COLGALT2: variants seen among roughly 807,000 people sequenced by gnomAD.
The protein encoded by COLGALT2 is collagen beta(1-O)galactosyltransferase 2, also known as procollagen galactosyltransferase 2.
COLGALT2 carries 49 observed loss-of-function variants against 73.4 expected under a neutral mutation model. The observed-to-expected ratio is 0.67, with a 90% CI of 0.53 to 0.85. COLGALT2 has a LOEUF of 0.85. Among genes scored for constraint, COLGALT2 ranks in the 40% least tolerant of loss-of-function variants. The probability of loss-of-function intolerance (pLI) is 0.00; values close to 1 mark genes in which losing one functional copy is unlikely to be tolerated. For missense variants in COLGALT2, 722 were observed against 790.2 expected (o/e 0.91, Z 1.03); for synonymous variants, 295 against 307.6 (o/e 0.96, Z 0.43).
At chr1:184,022,656 C>T (rs1374072729) in intron 1 of COLGALT2, among the ~76,000 whole-genome samples, 4 of 152,160 alleles carry the variant, frequency 2.6e-5, no homozygotes, top group African/African-American at 9.7e-5. Context: ...AATTTGTTAT[C>T]TAATACTTGA....
At chr1:183,976,382 A>G (rs1317695788) in intron 2 of COLGALT2, among the ~76,000 whole-genome samples, 1 of 148,568 alleles carries the variant, frequency 6.7e-6, no homozygotes, top group Non-Finnish European at 1.5e-5. Context: ...TTTCTTTATA[A>G]TATAAATATT....
chr1:184,004,755 A>G (rs1672025006), intron 1 of COLGALT2, among the ~76,000 whole-genome samples: 1 of 152,140 alleles, frequency 6.6e-6, no homozygotes, highest in South Asian at 2.1e-4. Flanking sequence ...CAGTCTCACT[A>G]CAGAGCCACA....
At chr1:183,996,941 T>C (rs563529209) in intron 1 of COLGALT2, among the ~76,000 whole-genome samples, 3 of 152,334 alleles carry the variant, frequency 2.0e-5, no homozygotes, top group East Asian at 3.9e-4. Flanking sequence ...AGAATTTCGA[T>C]GGTATAGTGC....
At chr1:184,033,281 T>A (rs997164999) in intron 1 of COLGALT2, among the ~76,000 whole-genome samples, 2 of 152,224 alleles carry the variant, frequency 1.3e-5, no homozygotes, top group Non-Finnish European at 2.9e-5. Flanking sequence ...CAGCCTTCCC[T>A]CTGTTGCTAA....
intron 10 of COLGALT2, among the ~76,000 whole-genome samples, chr1:183,943,807 A>G (rs754604729): frequency 8.5e-5 from 13 of 152,146 alleles, no homozygotes; most frequent in Non-Finnish European, 1.5e-4. Flanking sequence ...CTTAAATATG[A>G]CACAGGACTT....
At chr1:183,933,736 T>G (rs573461509), downstream of COLGALT2, among the ~76,000 whole-genome samples, 157 of 151,116 alleles carry the variant, frequency 1.0e-3, 2 homozygotes, top group South Asian at 2.4e-3. Context: ...ATCAAAGCCT[T>G]GCCAGGTCCA....
intron 1 of COLGALT2, among the ~76,000 whole-genome samples, chr1:184,004,505 A>C (rs1672017042): frequency 6.6e-6 from 1 of 152,172 alleles, no homozygotes; most frequent in Admixed American, 6.5e-5. Context: ...TATTTCATTT[A>C]ATTTTAAACA....
chr1:183,936,121 A>C lies in COLGALT2; in HGVS notation c.*2640T>G. 1.0e-6 allele frequency: 1 copy of C among 985,726 alleles called. No individual in the cohort carries two copies. The highest frequency in any genetic ancestry group is 1.2e-6 in the Non-Finnish European group (1 of 830,158). The allele number at this position is 985,726 out of a possible 1,614,324, so 61.1% of individuals were successfully genotyped here. On this transcript the variant is annotated 3_prime_UTR_variant, in exon 12 of 12. Transcript: ENST00000361927. ...CCACGTTAGATCCCAAGAGAAATCC[A>C]GACAGGGTTTAGCCTCCAGAGGCAG... is the stretch of plus-strand genomic sequence containing the variant.
intron 4 of COLGALT2, among the ~76,000 whole-genome samples, 164 bp downstream of exon 4, chr1:183,973,452 T>C (rs115579018): frequency 0.011 from 1,700 of 152,248 alleles, 31 homozygotes; most frequent in African/African-American, 0.039. Context: ...GGGTGTAGCA[T>C]TGGACCCAGA....
At chr1:184,016,433 A>C (rs1649001416) in intron 1 of COLGALT2, among the ~76,000 whole-genome samples, 1 of 152,258 alleles carries the variant, frequency 6.6e-6, no homozygotes, top group African/African-American at 2.4e-5. Context: ...AAACTTCATT[A>C]ATTCAGAAAG....
chr1:183,938,963 G>A lies in COLGALT2; in HGVS notation c.1679C>T (p.Thr560Met), dbSNP rs753492954. 2.5e-5 allele frequency: 41 copies of A among 1,613,976 alleles called. No individual in the cohort carries two copies. The highest frequency in any genetic ancestry group is 4.4e-5 in the South Asian group (4 of 91,078). ...GTACCCCGGCTGGCCTGTGTAGTGCGTAGGGTAGATGAGCAAGGGTTCTGC... is the reference window on the plus strand; with the variant it reads ...GTACCCCGGCTGGCCTGTGTAGTGCATAGGGTAGATGAGCAAGGGTTCTGC... ...FSAEPLLIYP[T>M]HYTGQPGYLS... is the part of the protein sequence containing the mutation. Residue 560 changes from threonine (T) to methionine (M), a missense_variant, in exon 12 of 12, where the codon ACG (threonine) becomes ATG (methionine). Physicochemically the swap from Thr to Met is moderately conservative, Grantham distance 81. Transcript: ENST00000361927.
intron 2 of COLGALT2, among the ~76,000 whole-genome samples, chr1:183,977,880 A>AAAAG (rs764868414): frequency 1.1e-4 from 16 of 151,888 alleles, no homozygotes; most frequent in Non-Finnish European, 2.4e-4. Flanking sequence ...GAAAAGAAGG[A>AAAAG]AAAGAAAGAA....
At chr1:183,963,553 A>C (rs1157316766) in intron 6 of COLGALT2, among the ~76,000 whole-genome samples, 2 of 152,144 alleles carry the variant, frequency 1.3e-5, no homozygotes, top group African/African-American at 2.4e-5. Context: ...CCATTTTACA[A>C]CTAAGGATAT....
chr1:183,994,914 G>C (rs1180183084), intron 1 of COLGALT2, among the ~76,000 whole-genome samples: 2 of 152,274 alleles, frequency 1.3e-5, no homozygotes, highest in East Asian at 3.9e-4. Flanking sequence ...AAATGTATTT[G>C]ACTATACTGC....
chr1:183,986,670 C>T (rs144806088), intron 1 of COLGALT2, among the ~76,000 whole-genome samples: 86 of 152,198 alleles, frequency 5.7e-4, no homozygotes, highest in African/African-American at 2.0e-3. Context: ...ACTCATGATT[C>T]GGAGATATAT....
At chr1:184,031,589 A>C (rs1649511319) in intron 1 of COLGALT2, among the ~76,000 whole-genome samples, 2 of 152,212 alleles carry the variant, frequency 1.3e-5, no homozygotes, top group South Asian at 4.1e-4. Flanking sequence ...CACAATCTTA[A>C]GCAGACCATC....
chr1:183,981,156 T>G (rs1448998831), intron 1 of COLGALT2, among the ~76,000 whole-genome samples: 3 of 152,134 alleles, frequency 2.0e-5, no homozygotes, highest in Non-Finnish European at 2.9e-5. Context: ...TGTCGTAATA[T>G]TCCCATGGAA....
intron 3 of COLGALT2, among the ~76,000 whole-genome samples, chr1:183,974,192 T>C (rs1671129358): frequency 1.3e-5 from 2 of 152,234 alleles, no homozygotes. Context: ...TGAATTTTAA[T>C]GTGACAAGTA....
At chr1:184,001,085 G>A (rs914256509) in intron 1 of COLGALT2, among the ~76,000 whole-genome samples, 1 of 151,684 alleles carries the variant, frequency 6.6e-6, no homozygotes, top group African/African-American at 2.4e-5. Context: ...CGTCTGCCTC[G>A]GCCTCCCGAA....
Sources: allele counts gnomAD v4.1 joint callset (sites outside exome capture counted in the v4.1 genomes callset), GRCh38; gene constraint gnomAD v4.1.1; transcripts MANE v1.5; gene names NCBI Gene and HGNC (gene_info 2026-07-23, HGNC 2026-07-21).